Variants in SGCD observed in about 807,000 individuals in gnomAD.
SGCD encodes the protein delta-sarcoglycan.
Under a neutral mutation model 36.6 loss-of-function variants are expected in SGCD, and 18 were observed. That is an observed-to-expected ratio of 0.49 (90% CI 0.34 to 0.73). The LOEUF (loss-of-function observed/expected upper bound fraction) is 0.73. Ranked by LOEUF, SGCD falls within the 30% of genes least tolerant of loss-of-function variation. The pLI is 0.01. For missense variants in SGCD, 387 were observed against 346.7 expected, an observed-to-expected ratio of 1.12 and a Z score of -0.92; for synonymous variants, 133 against 130.6, an observed-to-expected ratio of 1.02 and a Z score of -0.12.
In SGCD at chr5:156,406,094, G is replaced by A. The variant is rs140558646; in HGVS notation, c.192+61417G>A. On this transcript the variant is annotated intron_variant, in intron 3 of 8. Transcript: ENST00000337851. ...AAATAATTTTAGCAGCAGCTGGTCC[G>A]TGGCATTAAAGATTGAATGACTGTA... 6.7e-5 allele frequency among the ~76,000 whole-genome samples: 10 copies of A among 148,614 alleles called. No individual in the cohort carries two copies. The East Asian group carries it at 8.3e-4, about 12-fold the overall frequency.
chr5:156,153,256 T>G (rs564825497), intron 3 of SGCD, among the ~76,000 whole-genome samples: 13 of 151,516 alleles, frequency 8.6e-5, no homozygotes, highest in Admixed American at 3.9e-4. Flanking sequence ...AAATGTTGTT[T>G]TTTTTTTTTT....
chr5:156,440,870 A>G (rs1415810330), intron 3 of SGCD, among the ~76,000 whole-genome samples: 3 of 152,166 alleles, frequency 2.0e-5, no homozygotes, highest in Non-Finnish European at 4.4e-5. Context: ...CTTATCAGAT[A>G]TGAATTACCA....
chr5:155,855,372 T>A, the SGCD span, among the ~76,000 whole-genome samples: 1 of 152,198 alleles, frequency 6.6e-6, no homozygotes, highest in Non-Finnish European at 1.5e-5. Flanking sequence ...TGTTTGATAA[T>A]ATGCCCTTTG....
chr5:156,407,226 G>A (rs76885823), intron 3 of SGCD, among the ~76,000 whole-genome samples: 2,070 of 152,234 alleles, frequency 0.014, 22 homozygotes, highest in Non-Finnish European at 0.023. Flanking sequence ...TTCACACTCA[G>A]CATTAGCCAT....
intron 3 of SGCD, among the ~76,000 whole-genome samples, chr5:156,459,911 G>A (rs1027350547): frequency 1.3e-5 from 2 of 152,010 alleles, no homozygotes; most frequent in Non-Finnish European, 2.9e-5. Flanking sequence ...TCATTTACAG[G>A]GAAATCTTCT....
At chr5:155,860,425 T>C in the SGCD span, among the ~76,000 whole-genome samples, 1 of 152,218 alleles carries the variant, frequency 6.6e-6, no homozygotes, top group Non-Finnish European at 1.5e-5. Flanking sequence ...GAGTCAAACC[T>C]CAAGTCAGAT....
chr5:156,353,312 T>C (rs1769343855), intron 3 of SGCD, among the ~76,000 whole-genome samples: 1 of 152,228 alleles, frequency 6.6e-6, no homozygotes, highest in Non-Finnish European at 1.5e-5. Flanking sequence ...TTATATGACT[T>C]CTAAAATGAA....
intron 7 of SGCD, among the ~76,000 whole-genome samples, chr5:156,726,971 C>G (rs970308131): frequency 3.9e-5 from 6 of 152,216 alleles, no homozygotes; most frequent in African/African-American, 1.4e-4. Context: ...GTCCTATTCT[C>G]TACATTTAGT....
chr5:156,069,597 G>C (rs1302050477), intron 1 of SGCD, among the ~76,000 whole-genome samples: 1 of 152,008 alleles, frequency 6.6e-6, no homozygotes, highest in Non-Finnish European at 1.5e-5. Flanking sequence ...GGATTGACTT[G>C]GCAATGCGGG....
At chr5:155,916,546 A>T (rs1756745396) in intron 1 of SGCD, among the ~76,000 whole-genome samples, 1 of 152,214 alleles carries the variant, frequency 6.6e-6, no homozygotes, top group South Asian at 2.1e-4. Context: ...AATTGCACTC[A>T]GATTTAATGT....
chr5:156,421,764 A>G (rs1211450948), intron 3 of SGCD, among the ~76,000 whole-genome samples: 1 of 152,058 alleles, frequency 6.6e-6, no homozygotes, highest in Non-Finnish European at 1.5e-5. Context: ...CTGAAAAAGC[A>G]GGGGGAATTC....
chr5:156,354,452 A>C (rs1475143967), intron 3 of SGCD, among the ~76,000 whole-genome samples: 1 of 152,218 alleles, frequency 6.6e-6, no homozygotes, highest in Non-Finnish European at 1.5e-5. Flanking sequence ...GACTTTGGAG[A>C]GGTCAAACTG....
At chr5:156,534,537 C>A (rs894402008) in intron 4 of SGCD, among the ~76,000 whole-genome samples, 2 of 152,194 alleles carry the variant, frequency 1.3e-5, no homozygotes, top group Admixed American at 1.3e-4. Flanking sequence ...CAGGAAGGTC[C>A]TCCCTAGTTC....
intron 3 of SGCD, among the ~76,000 whole-genome samples, chr5:156,386,259 CTG>C (rs1388960827): frequency 2.0e-5 from 3 of 152,162 alleles, no homozygotes; most frequent in Non-Finnish European, 4.4e-5. Context: ...AGGGTGGACT[CTG>C]TAGCCAGTTT....
intron 1 of SGCD, among the ~76,000 whole-genome samples, chr5:155,939,039 A>G (rs753062766): frequency 2.2e-4 from 33 of 152,218 alleles, no homozygotes; most frequent in Non-Finnish European, 3.2e-4. Context: ...CAGAGAGTCA[A>G]TTGGCAGTTA....
At chr5:155,930,836 ATTC>A (rs1757084975) in intron 1 of SGCD, among the ~76,000 whole-genome samples, 2 of 152,348 alleles carry the variant, frequency 1.3e-5, no homozygotes, top group South Asian at 4.1e-4. Flanking sequence ...AGATTAAAGT[ATTC>A]TTACTCTCCT....
the SGCD span, among the ~76,000 whole-genome samples, chr5:155,818,952 A>G: frequency 1.3e-5 from 2 of 152,122 alleles, no homozygotes; most frequent in Non-Finnish European, 2.9e-5. Flanking sequence ...ATTTTTTTTC[A>G]AGAACTTTCT....
chr5:155,791,607 C>T, the SGCD span, among the ~76,000 whole-genome samples: 2 of 152,072 alleles, frequency 1.3e-5, no homozygotes, highest in Admixed American at 6.6e-5. Flanking sequence ...CATTTCTATA[C>T]ACCAATAACA....
intron 4 of SGCD, among the ~76,000 whole-genome samples, chr5:156,548,359 T>C (rs1436653456): frequency 6.6e-6 from 1 of 152,244 alleles, no homozygotes; most frequent in East Asian, 1.9e-4. Flanking sequence ...CTTTTTGAGC[T>C]GGTTGCCATT....
Sources: gnomAD v4.1 joint callset for allele counts (sites outside exome capture counted in the v4.1 genomes callset) on GRCh38, gnomAD v4.1.1 for gene constraint, MANE v1.5 for transcripts, NCBI Gene and HGNC (gene_info 2026-07-23, HGNC 2026-07-21) for gene names.